Variants in SUCLA2 observed in about 807,000 individuals in gnomAD.
The protein encoded by SUCLA2 is succinate--CoA ligase [ADP-forming] subunit beta, mitochondrial.
SUCLA2 carries 30 observed loss-of-function variants against 54.8 expected under a neutral mutation model. The ratio of observed to expected loss-of-function variants is 0.55; its 90% CI spans 0.41 to 0.74. The LOEUF (loss-of-function observed/expected upper bound fraction) is 0.74, where lower values mean the gene tolerates loss of function less well. Among genes scored for constraint, SUCLA2 ranks in the 30% least tolerant of loss-of-function variants. SUCLA2 has a pLI of 0.00. For missense variants in SUCLA2, 476 were observed against 562.9 expected (o/e 0.85, Z 1.56); for synonymous variants, 172 against 188.9 (o/e 0.91, Z 0.74).
At chr13:47,994,335 C>T (rs1190950560) in intron 2 of SUCLA2, among the ~76,000 whole-genome samples, 1 of 151,934 alleles carries the variant, frequency 6.6e-6, no homozygotes, top group African/African-American at 2.4e-5. Flanking sequence ...TTTGGGAGGC[C>T]TAGGCGGGTG....
At chr13:47,954,581 T>C (rs970777684) in intron 6 of SUCLA2, 24 bp from the exon 7 acceptor site, 9 of 1,611,480 alleles carry the variant, frequency 5.6e-6, no homozygotes, top group Admixed American at 1.7e-5. Context: ...AAGAGAAAAA[T>C]GACCTTAATT....
chr13:47,955,740 C>T (rs957537589), intron 6 of SUCLA2, among the ~76,000 whole-genome samples: 1 of 152,074 alleles, frequency 6.6e-6, no homozygotes, highest in African/African-American at 2.4e-5. Flanking sequence ...GCTTTTACTC[C>T]CAGCACTCTA....
chr13:47,996,935 C>T lies in SUCLA2; in HGVS notation c.179G>A (p.Ser60Asn), dbSNP rs922792158. Residue 60 changes from serine to asparagine, a missense_variant, in exon 2 of 11, where the codon AGT becomes AAT. Physicochemically the swap from Ser to Asn is conservative, Grantham distance 46. Coordinates refer to ENST00000646932, the MANE Select transcript of SUCLA2 (RefSeq NM_003850.3). ...ACCAGCTTCTTGCAATAATTCCATACTCATGTATTCATGTAGTGAGAGATT... is the reference window on the plus strand; with the variant it reads ...ACCAGCTTCTTGCAATAATTCCATATTCATGTATTCATGTAGTGAGAGATT... Reference protein sequence around the residue: ...QRNLSLHEYMSMELLQEAGVS... With the variant: ...QRNLSLHEYMNMELLQEAGVS... 3 of 1,613,930 alleles carry T rather than the reference C, an allele frequency of 1.9e-6. No individual in the cohort carries two copies. Among genetic ancestry groups the T allele is most frequent in the Non-Finnish European group, 2.5e-6 (3 of 1,179,978 alleles).
intron 4 of SUCLA2, among the ~76,000 whole-genome samples, chr13:47,984,982 C>G (rs1593498296): frequency 1.3e-5 from 2 of 152,076 alleles, no homozygotes; most frequent in Non-Finnish European, 2.9e-5. Context: ...AGACTTGACT[C>G]AGACCAAAAG....
intron 6 of SUCLA2, among the ~76,000 whole-genome samples, chr13:47,962,998 T>A (rs569910313): frequency 6.6e-6 from 1 of 152,294 alleles, no homozygotes; most frequent in South Asian, 2.1e-4. Flanking sequence ...CCTCCCTAGT[T>A]CTTGTTTTCT....
At chr13:47,954,075 C>A in intron 8 of SUCLA2, 65 bp downstream of exon 8, 1 of 1,222,620 alleles carries the variant, frequency 8.2e-7, no homozygotes, top group Non-Finnish European at 1.1e-6. Flanking sequence ...TAAAAATATA[C>A]ATTTTTATAA....
intron 2 of SUCLA2, among the ~76,000 whole-genome samples, chr13:47,991,237 C>T (rs770184171): frequency 1.3e-5 from 2 of 152,212 alleles, no homozygotes; most frequent in Non-Finnish European, 2.9e-5. Flanking sequence ...TTACAATGGC[C>T]TAGAAGACCT....
chr13:47,945,789 T>C (rs976122994), intron 10 of SUCLA2: 1 of 152,186 alleles, frequency 6.6e-6, no homozygotes, highest in Non-Finnish European at 1.5e-5. Flanking sequence ...AAAAAAGTCA[T>C]TAAGTTTTAA....
At chr13:47,993,841 G>C (rs926109417) in intron 2 of SUCLA2, among the ~76,000 whole-genome samples, 2 of 152,056 alleles carry the variant, frequency 1.3e-5, no homozygotes, top group Admixed American at 6.5e-5. Context: ...TTTAAGACCA[G>C]CCTGATCAAC....
chr13:47,969,984 C>G lies in SUCLA2; in HGVS notation c.664-1251G>C, dbSNP rs535568060. On this transcript the variant is annotated intron_variant, in intron 5 of 10. Coordinates refer to ENST00000646932, the MANE Select transcript of SUCLA2 (RefSeq NM_003850.3). ...AGGTGTGGTGACGCATGCCTGTAAT[C>G]CCAGCTACTCGAGAGGCTGAGACAC... Among the ~76,000 whole-genome samples, 75 of 151,832 alleles carry G rather than the reference C, an allele frequency of 4.9e-4. No homozygotes were observed. In the South Asian group the frequency reaches 0.015, roughly 30 times the overall value.
rs35201084 is a variant in SUCLA2, at chr13:48,001,233, C to T, written c.37G>A (p.Val13Met). 6.9e-4 allele frequency: 1,115 copies of T among 1,605,638 alleles called. 5 individuals carry two copies. In the African/African-American group the frequency reaches 0.011, roughly 16 times the overall value. Residue 13 changes from valine (V) to methionine (M), a missense_variant, in exon 1 of 11, where the codon GTG becomes ATG. Physicochemically the swap from Val to Met is conservative, Grantham distance 21. This residue lies in a region of SUCLA2 where 134 missense variants were observed against 118.7 expected (regional missense o/e 1.13). Coordinates refer to ENST00000646932, the MANE Select transcript of SUCLA2 (RefSeq NM_003850.3). ...GGCCGGTGGTTCCGAAGGGTGGCCA[C>T]GGCCACTAGCCTGCCGTAGAACATG... ...ASMFYGRLVA[V>M]ATLRNHRPRT...
rs1593488568 is a variant in SUCLA2 at position 47,968,528 on chromosome 13, A to G, written c.802+67T>C. On this transcript the variant is annotated intron_variant, in intron 6 of 10. Coordinates refer to ENST00000646932, the MANE Select transcript of SUCLA2 (RefSeq NM_003850.3). ...TAACTACTTTAACTTCTATGATTTA[A>G]CTTCCTTAGGGAAGCATATTAGAGA... 3 of 1,582,010 alleles carry G rather than the reference A, an allele frequency of 1.9e-6. No homozygotes were observed. The African/African-American group carries it at 4.0e-5, about 21-fold the overall frequency.
chr13:47,952,892 A>G (rs1411715239), intron 8 of SUCLA2, among the ~76,000 whole-genome samples: 1 of 152,084 alleles, frequency 6.6e-6, no homozygotes, highest in African/African-American at 2.4e-5. Flanking sequence ...TCTGGATTCT[A>G]TGTCTTTGTA....
chr13:47,980,099 A>C (rs1950048753), intron 4 of SUCLA2, among the ~76,000 whole-genome samples: 1 of 152,176 alleles, frequency 6.6e-6, no homozygotes, highest in Non-Finnish European at 1.5e-5. Context: ...AAAAACTACA[A>C]AACACTGCTG....
At position 47,943,120 on chromosome 13, in the gene SUCLA2, T is replaced by C. The variant is rs1949698737; in HGVS notation, c.*251A>G. The C allele has an allele frequency of 2.2e-6, 1 of 458,772 alleles. No individual in the cohort carries two copies. Among genetic ancestry groups the C allele is most frequent in the Non-Finnish European group, 3.9e-6 (1 of 253,238 alleles). 28.4% of individuals were successfully genotyped at this position (458,772 alleles called of 1,614,324 possible). On this transcript the variant is annotated 3_prime_UTR_variant, in exon 11 of 11. Transcript: ENST00000646932. ...ATAAACTGGCAAATTGCAAGTTACG[T>C]TTTGTAGGAGAAGCAAAAAAGACTG... is the stretch of plus-strand genomic sequence containing the variant.
At chr13:47,975,693 A>C (rs184954972) in intron 4 of SUCLA2, among the ~76,000 whole-genome samples, 1 of 152,320 alleles carries the variant, frequency 6.6e-6, no homozygotes, top group Admixed American at 6.5e-5. Context: ...CATTTGTAAC[A>C]AGGAATTCGG....
At chr13:47,972,293 G>C (rs1219048548) in intron 5 of SUCLA2, among the ~76,000 whole-genome samples, 1 of 152,024 alleles carries the variant, frequency 6.6e-6, no homozygotes, top group Non-Finnish European at 1.5e-5. Context: ...AACCGTATTT[G>C]GATGCTGACT....
chr13:47,968,538 G>A, intron 6 of SUCLA2, 57 bp downstream of exon 6: 3 of 1,595,440 alleles, frequency 1.9e-6, no homozygotes, highest in Non-Finnish European at 1.7e-6. Flanking sequence ...ACTTCCTTAG[G>A]GAAGCATATT....
At chr13:47,986,018 C>T (rs975970383) in intron 4 of SUCLA2, among the ~76,000 whole-genome samples, 1 of 146,616 alleles carries the variant, frequency 6.8e-6, no homozygotes, top group Non-Finnish European at 1.5e-5. Context: ...TGTGTGTTGG[C>T]CATATGTATA....
Sources: gnomAD v4.1 joint callset for allele counts (sites outside exome capture counted in the v4.1 genomes callset) on GRCh38, gnomAD v4.1.1 for gene constraint, gnomAD v4.1.1 regional missense constraint, MANE v1.5 for transcripts, NCBI Gene and HGNC (gene_info 2026-07-23, HGNC 2026-07-21) for gene names.